The following BRD10 variants were observed in gnomAD, a reference collection of about 807,000 sequenced individuals.
BRD10 encodes the protein uncharacterized bromodomain-containing protein 10.
At chr9:5,892,040 A>G in the BRD10 span, among the ~76,000 whole-genome samples, 1 of 152,162 alleles carries the variant, frequency 6.6e-6, no homozygotes, top group Admixed American at 6.5e-5. Context: ...GAGAAAAATA[A>G]CTCCTCTAAT....
At chr9:5,884,313 C>G in the BRD10 span, among the ~76,000 whole-genome samples, 1 of 152,230 alleles carries the variant, frequency 6.6e-6, no homozygotes, top group African/African-American at 2.4e-5. Context: ...TTCTGTGACT[C>G]AACACAGCCT....
chr9:5,954,288 T>C, the BRD10 span, among the ~76,000 whole-genome samples: 2 of 152,214 alleles, frequency 1.3e-5, no homozygotes, highest in Non-Finnish European at 2.9e-5. Flanking sequence ...TTAACAGACA[T>C]ATTAACAAAT....
chr9:5,940,567 G>A, the BRD10 span, among the ~76,000 whole-genome samples: 12 of 152,314 alleles, frequency 7.9e-5, no homozygotes, highest in African/African-American at 2.9e-4. Flanking sequence ...AATTTTGCTA[G>A]CTATATAACA....
the BRD10 span, chr9:6,007,163 T>C: frequency 6.3e-7 from 1 of 1,594,188 alleles, no homozygotes; most frequent in South Asian, 1.1e-5. Flanking sequence ...TGTGTCAGTC[T>C]GTCAGTCCCA....
the BRD10 span, among the ~76,000 whole-genome samples, chr9:5,885,296 T>C: frequency 6.6e-6 from 1 of 152,188 alleles, no homozygotes; most frequent in Non-Finnish European, 1.5e-5. Flanking sequence ...TGTTTGTACA[T>C]TCACAGGGAA....
chr9:5,904,105 G>C, the BRD10 span, among the ~76,000 whole-genome samples: 1 of 152,106 alleles, frequency 6.6e-6, no homozygotes, highest in African/African-American at 2.4e-5. Context: ...CAATCCGCCT[G>C]CCTTGGTCTC....
At chr9:5,973,710 G>A in the BRD10 span, among the ~76,000 whole-genome samples, 12 of 151,972 alleles carry the variant, frequency 7.9e-5, no homozygotes, top group South Asian at 1.0e-3. Flanking sequence ...GCAACATGGC[G>A]AGATTTCATC....
At chr9:5,988,497 A>G in the BRD10 span, 1 of 1,613,874 alleles carries the variant, frequency 6.2e-7, no homozygotes, top group Non-Finnish European at 8.5e-7. Context: ...CCTCCAATCC[A>G]TAATAGCCTC....
At chr9:5,987,917 A>C in the BRD10 span, among the ~76,000 whole-genome samples, 34 of 152,322 alleles carry the variant, frequency 2.2e-4, no homozygotes, top group African/African-American at 8.2e-4. Flanking sequence ...ATCAGCCCAG[A>C]GTAAGCACAG....
chr9:5,882,565 C>T, the BRD10 span, among the ~76,000 whole-genome samples: 1 of 152,238 alleles, frequency 6.6e-6, no homozygotes, highest in African/African-American at 2.4e-5. Flanking sequence ...ACAAAAAATA[C>T]TGCAAGGACA....
chr9:5,886,151 G>T, the BRD10 span, among the ~76,000 whole-genome samples: 1 of 152,210 alleles, frequency 6.6e-6, no homozygotes, highest in East Asian at 1.9e-4. Flanking sequence ...ATTGTGGGGA[G>T]CACTGAAGAG....
chr9:5,998,746 A>G, the BRD10 span, among the ~76,000 whole-genome samples: 4 of 152,192 alleles, frequency 2.6e-5, no homozygotes, highest in East Asian at 1.9e-4. Flanking sequence ...AACTTTTAAA[A>G]TAAGTCTTGG....
chr9:5,905,264 C>T, the BRD10 span, among the ~76,000 whole-genome samples: 1 of 152,102 alleles, frequency 6.6e-6, no homozygotes, highest in African/African-American at 2.4e-5. Context: ...CTGAATGGAC[C>T]CCCTCTTCAC....
At chr9:5,957,379 G>C in the BRD10 span, among the ~76,000 whole-genome samples, 1 of 152,048 alleles carries the variant, frequency 6.6e-6, no homozygotes, top group African/African-American at 2.4e-5. Flanking sequence ...ACCATTTATT[G>C]ATTCCTACCA....
chr9:5,985,606 A>G, the BRD10 span, among the ~76,000 whole-genome samples: 2 of 152,060 alleles, frequency 1.3e-5, no homozygotes, highest in East Asian at 3.9e-4. Context: ...ACCAACATGG[A>G]GAAACCCCAT....
chr9:5,880,993 A>G, the BRD10 span, among the ~76,000 whole-genome samples: 1 of 152,060 alleles, frequency 6.6e-6, no homozygotes, highest in Non-Finnish European at 1.5e-5. Flanking sequence ...ATGAGCCACC[A>G]CGCTCGGCCC....
At chr9:5,922,497 T>C in the BRD10 span, 3 of 1,613,880 alleles carry the variant, frequency 1.9e-6, no homozygotes, top group Non-Finnish European at 2.5e-6. Flanking sequence ...TTGAAAGCTG[T>C]ATTTGGTAGT....
At chr9:5,912,206 T>C in the BRD10 span, among the ~76,000 whole-genome samples, 1 of 152,246 alleles carries the variant, frequency 6.6e-6, no homozygotes, top group Non-Finnish European at 1.5e-5. Context: ...ATGATACTGA[T>C]TTTTTAATGT....
the BRD10 span, among the ~76,000 whole-genome samples, chr9:5,945,409 T>C: frequency 6.6e-6 from 1 of 152,134 alleles, no homozygotes; most frequent in East Asian, 1.9e-4. Flanking sequence ...CTATACAATT[T>C]AACAAACCTT....
Sources: gnomAD v4.1 joint callset for allele counts (sites outside exome capture counted in the v4.1 genomes callset) on GRCh38, gnomAD v4.1.1 for gene constraint, MANE v1.5 for transcripts, NCBI Gene and HGNC (gene_info 2026-07-23, HGNC 2026-07-21) for gene names.